WNK1: variants seen among roughly 807,000 people sequenced by gnomAD.
The protein encoded by WNK1 is WNK lysine deficient protein kinase 1.
WNK1 carries 38 observed loss-of-function variants against 222.8 expected under a neutral mutation model. The observed-to-expected ratio is 0.17, with a 90% CI of 0.13 to 0.22. The LOEUF is 0.22. Among genes scored for constraint, WNK1 ranks in the 10% least tolerant of loss-of-function variants. WNK1 has a pLI of 1.00. For missense variants in WNK1, 2,348 were observed against 2,918.4 expected (o/e 0.80, Z 4.50); for synonymous variants, 1,090 against 1,092.9 (o/e 1.00, Z 0.05).
chr12:753,412 T>C lies in WNK1; in HGVS notation c.-154T>C, dbSNP rs1360637468. 1.0e-6 allele frequency: 1 copy of C among 975,290 alleles called. No individual in the cohort carries two copies. The highest frequency in any genetic ancestry group is 1.5e-6 in the Non-Finnish European group (1 of 667,406). The allele number at this position is 975,290 out of a possible 1,614,324, so 60.4% of individuals were successfully genotyped here. On this transcript the variant is annotated 5_prime_UTR_variant, in exon 1 of 28. Transcript: ENST00000315939. The surrounding 1 kb of genome is among the most constrained non-coding windows in gnomAD (Gnocchi z 5.2). Reference sequence around the variant, plus strand: ...GGCCCAGCGGTCCGCCTGTCCCTCGTTGCGGCTTGTCGGTGCTGAGTGAGG... The same window carrying C: ...GGCCCAGCGGTCCGCCTGTCCCTCGCTGCGGCTTGTCGGTGCTGAGTGAGG...
chr12:900,440 G>A, intron 25 of WNK1, 36 bp from the exon 26 acceptor site: 1 of 1,611,000 alleles, frequency 6.2e-7, no homozygotes, highest in South Asian at 1.1e-5. Flanking sequence ...GGGAAGAGCT[G>A]GACATGTTTC....
intron 19 of WNK1, among the ~76,000 whole-genome samples, chr12:886,373 A>C (rs189878928): frequency 7.2e-5 from 11 of 152,308 alleles, no homozygotes; most frequent in Admixed American, 2.0e-4. Context: ...AAACTGAAGA[A>C]GTCTGTATCC....
intron 4 of WNK1, among the ~76,000 whole-genome samples, chr12:836,403 A>G (rs1299831297): frequency 6.6e-6 from 1 of 152,192 alleles, no homozygotes; most frequent in African/African-American, 2.4e-5. Flanking sequence ...GTTGAGAAAT[A>G]TATTTGTTGT....
chr12:903,554 A>C (rs1955449593), intron 26 of WNK1, among the ~76,000 whole-genome samples: 1 of 152,218 alleles, frequency 6.6e-6, no homozygotes, highest in East Asian at 1.9e-4. Context: ...TAATGTGACA[A>C]ATACCACTTT....
rs556259915 is a variant in WNK1 at position 807,832 on chromosome 12, G to T, written c.760-5810G>T. 1.4e-3 allele frequency among the ~76,000 whole-genome samples: 209 copies of T among 148,024 alleles called. 1 individual carries two copies. Among genetic ancestry groups the T allele is most frequent in the Non-Finnish European group, 2.7e-3 (179 of 67,442 alleles). ...CCTCCCGGGTTCACGCCATTCTCCG[G>T]CCTCAGCCTCCCGAGTAGCTGGGAC... On this transcript the variant is annotated intron_variant, in intron 1 of 27. Coordinates refer to ENST00000315939, the MANE Select transcript of WNK1 (RefSeq NM_018979.4).
intron 8 of WNK1, among the ~76,000 whole-genome samples, chr12:865,954 G>A (rs1951633343): frequency 6.6e-6 from 1 of 152,104 alleles, no homozygotes; most frequent in Non-Finnish European, 1.5e-5. Flanking sequence ...CCTAAGGTGG[G>A]ACTGTAGCTC....
intron 1 of WNK1, among the ~76,000 whole-genome samples, chr12:767,361 TCCTGCCTCAG>T (rs1941887697): frequency 6.8e-6 from 1 of 146,700 alleles, no homozygotes; most frequent in Admixed American, 7.0e-5. Flanking sequence ...CAAGCAATTC[TCCTGCCTCAG>T]CCTGCTGAGT....
chr12:808,345 C>T (rs1312499016), intron 1 of WNK1, among the ~76,000 whole-genome samples: 1 of 151,924 alleles, frequency 6.6e-6, no homozygotes, highest in Non-Finnish European at 1.5e-5. Context: ...TGGTCTCAAG[C>T]TCCTGGCCTC....
chr12:774,665 G>A (rs567722716), intron 1 of WNK1, among the ~76,000 whole-genome samples: 1 of 152,300 alleles, frequency 6.6e-6, no homozygotes, highest in African/African-American at 2.4e-5. Flanking sequence ...TTCATTGTAA[G>A]ATTGTTTTCC....
chr12:842,254 A>G (rs1327675140), intron 4 of WNK1, among the ~76,000 whole-genome samples: 1 of 152,208 alleles, frequency 6.6e-6, no homozygotes, highest in East Asian at 1.9e-4. Flanking sequence ...GTAGAAACTG[A>G]TGTACCTATA....
intron 1 of WNK1, among the ~76,000 whole-genome samples, chr12:806,964 T>A (rs980080936): frequency 1.9e-4 from 29 of 152,224 alleles, no homozygotes; most frequent in African/African-American, 6.3e-4. Context: ...GTTTTGTTTT[T>A]CCTGACTCTT....
intron 26 of WNK1, among the ~76,000 whole-genome samples, chr12:904,754 A>G (rs1216377982): frequency 1.3e-5 from 2 of 152,202 alleles, no homozygotes; most frequent in African/African-American, 4.8e-5. Context: ...AGGGATGCCT[A>G]GTTCCTATGG....
chr12:885,068 G>T lies in WNK1; in HGVS notation c.4264G>T (p.Val1422Phe). Residue 1422 changes from valine (V) to phenylalanine (F), a missense_variant, in exon 19 of 28, where the codon GTC becomes TTC. Transcript: ENST00000315939. ...VVSSITIPAV[V>F]SISTTSPSLQ... The stretch of plus-strand genomic sequence containing the variant: ...TTCAAGTATCACAATACCTGCAGTT[G>T]TCTCAATATCTACTACATCCCCGTC... The T allele has an allele frequency of 6.2e-7, 1 of 1,614,178 alleles. No homozygotes were observed. Among genetic ancestry groups the T allele is most frequent in the Non-Finnish European group, 8.5e-7 (1 of 1,180,042 alleles).
rs1024906884 is a variant in WNK1 at position 908,731 on chromosome 12, A to G, written c.7088A>G (p.Asn2363Ser). 4 of 1,613,876 alleles carry G rather than the reference A, an allele frequency of 2.5e-6. No individual in the cohort carries two copies. The highest frequency in any genetic ancestry group is 2.2e-5 in the South Asian group (2 of 91,078). Residue 2363 changes from asparagine (N) to serine (S), a missense_variant, in exon 28 of 28, where the codon AAC (asparagine) becomes AGC (serine). Physicochemically the swap from Asn to Ser is conservative, Grantham distance 46. Coordinates refer to ENST00000315939, the MANE Select transcript of WNK1 (RefSeq NM_018979.4). ...GGAACTGCCTCCTTGCAGAATTTCAACATCAGCAATTTGCAGAAATCCATC... is the reference window on the plus strand; with the variant it reads ...GGAACTGCCTCCTTGCAGAATTTCAGCATCAGCAATTTGCAGAAATCCATC... ...PVGTASLQNF[N>S]ISNLQKSISN...
chr12:882,093 G>A lies in WNK1; in HGVS notation c.3372+20G>A, dbSNP rs1192177499. On this transcript the variant is annotated intron_variant, in intron 14 of 27. Transcript: ENST00000315939. The stretch of plus-strand genomic sequence containing the variant: ...TTGAATGTAAGTATTCCTAATTTGT[G>A]AGTTTCATGTTGTTAAAGGAATTTG... The A allele has an allele frequency of 6.3e-7, 1 of 1,594,444 alleles. No individual in the cohort carries two copies. Among genetic ancestry groups the A allele is most frequent in the South Asian group, 1.1e-5 (1 of 88,720 alleles).
chr12:830,166 T>A lies in WNK1; in HGVS notation c.1311+6T>A. The A allele has an allele frequency of 6.2e-7, 1 of 1,614,080 alleles. No homozygotes were observed. The highest frequency in any genetic ancestry group is 8.5e-7 in the Non-Finnish European group (1 of 1,179,962). ...TCTACCGTCGCGTGACCAGTGTAAG[T>A]CTTCCCCTAACTGATTGTTGAACTT... is the stretch of plus-strand genomic sequence containing the variant. On this transcript the variant is annotated splice_donor_region_variant and intron_variant, in intron 4 of 27. Transcript: ENST00000315939.
Position 910,601 on chromosome 12 carries a change from T to G in WNK1, c.*1809T>G, listed in dbSNP as rs1163710217. On this transcript the variant is annotated 3_prime_UTR_variant, in exon 28 of 28. Transcript: ENST00000315939. ...TATCTCTGAAGACAAAGAAAGAAGC[T>G]AGGACTCTTAATTTTGGGGTGCTTC... The G allele has an allele frequency of 1.3e-5, 2 of 152,176 alleles. No homozygotes were observed. The highest frequency in any genetic ancestry group is 6.5e-5 in the Admixed American group (1 of 15,278). The allele number at this position is 152,176 out of a possible 1,614,324, so 9.4% of individuals were successfully genotyped here. A position where few individuals can be genotyped will look rare whatever the true frequency, so the allele number is the denominator to read the frequency against.
At chr12:832,961 T>C (rs1948909694) in intron 4 of WNK1, among the ~76,000 whole-genome samples, 1 of 152,172 alleles carries the variant, frequency 6.6e-6, no homozygotes, top group African/African-American at 2.4e-5. Flanking sequence ...TCCCAGTTCA[T>C]GTCTCTTATT....
At chr12:771,542 C>G (rs1438564581) in intron 1 of WNK1, among the ~76,000 whole-genome samples, 5 of 152,140 alleles carry the variant, frequency 3.3e-5, no homozygotes, top group Non-Finnish European at 7.4e-5. Flanking sequence ...TCAAGCGATT[C>G]TCCTGACCCA....
Sources: allele counts gnomAD v4.1 joint callset (sites outside exome capture counted in the v4.1 genomes callset), GRCh38; gene constraint gnomAD v4.1.1; non-coding constraint Gnocchi (gnomAD v3.1); transcripts MANE v1.5; gene names NCBI Gene and HGNC (gene_info 2026-07-23, HGNC 2026-07-21).